Variants in SLCO1B1 observed in about 807,000 individuals in gnomAD.
The protein encoded by SLCO1B1 is solute carrier organic anion transporter family member 1B1.
Under a neutral mutation model 70.1 loss-of-function variants are expected in SLCO1B1, and 81 were observed. The observed-to-expected ratio is 1.16, with a 90% CI of 0.97 to 1.39. The LOEUF (loss-of-function observed/expected upper bound fraction) is 1.39. Ranked by LOEUF, SLCO1B1 falls within the 40% of genes most tolerant of loss-of-function variation. SLCO1B1 has a pLI of 0.00. For missense variants in SLCO1B1, 895 were observed against 799.6 expected, an observed-to-expected ratio of 1.12 and a Z score of -1.44; for synonymous variants, 283 against 271.5, an observed-to-expected ratio of 1.04 and a Z score of -0.42.
At chr12:21,232,741 A>AAGACAG (rs144681986) in intron 14 of SLCO1B1, among the ~76,000 whole-genome samples, 20,132 of 107,868 alleles carry the variant, frequency 0.19, 1,587 homozygotes, top group East Asian at 0.5. Context: ...GAGACAGAGA[A>AAGACAG]AGACAGAGAC....
chr12:21,162,881 T>G (rs1337763702), intron 2 of SLCO1B1, among the ~76,000 whole-genome samples: 2 of 152,200 alleles, frequency 1.3e-5, no homozygotes, highest in Non-Finnish European at 2.9e-5. Context: ...GATTTATGCT[T>G]GTGCTCTTTC....
Position 21,202,477 on chromosome 12 carries a change from T to TC in SLCO1B1, c.1136-13dup. The TC allele has an allele frequency of 7.1e-6, 11 of 1,548,206 alleles. No homozygotes were observed. Among genetic ancestry groups the TC allele is most frequent in the Non-Finnish European group, 9.7e-6 (11 of 1,133,642 alleles). On this transcript the variant is annotated splice_polypyrimidine_tract_variant and intron_variant, in intron 9 of 14. Transcript: ENST00000256958. The stretch of plus-strand genomic sequence containing the variant: ...ACTCATATATGATTACAACTTTTTT[T>TC]CTTTTTTTTCTAGGAGTCATAACCA...
chr12:21,143,541 T>A (rs2417955), intron 2 of SLCO1B1, among the ~76,000 whole-genome samples: 73,213 of 151,788 alleles, frequency 0.48, 21,066 homozygotes, highest in South Asian at 0.76. Context: ...ATTTTTTCCT[T>A]ACCATAATTC....
intron 1 of SLCO1B1, among the ~76,000 whole-genome samples, chr12:21,140,681 T>G (rs1364514136): frequency 2.0e-5 from 3 of 151,962 alleles, no homozygotes; most frequent in Non-Finnish European, 4.4e-5. Flanking sequence ...TGAGAAAGAC[T>G]TATTAAGATT....
At chr12:21,131,915 C>G (rs1273625494) in intron 1 of SLCO1B1, among the ~76,000 whole-genome samples, 1 of 151,994 alleles carries the variant, frequency 6.6e-6, no homozygotes, top group Non-Finnish European at 1.5e-5. Context: ...TATACATGTG[C>G]CATGTTGGTG....
intron 2 of SLCO1B1, among the ~76,000 whole-genome samples, chr12:21,162,369 T>C (rs2121080063): frequency 6.6e-6 from 1 of 152,302 alleles, no homozygotes; most frequent in African/African-American, 2.4e-5. Context: ...TACAAAGATA[T>C]TCATTGATAA....
intron 10 of SLCO1B1, among the ~76,000 whole-genome samples, chr12:21,204,752 T>A (rs1941194740): frequency 6.6e-6 from 1 of 151,920 alleles, no homozygotes; most frequent in South Asian, 2.1e-4. Context: ...ACCAAGGTGA[T>A]GGCACTTTTG....
chr12:21,152,843 G>C (rs1234012633), intron 2 of SLCO1B1, among the ~76,000 whole-genome samples: 1 of 152,094 alleles, frequency 6.6e-6, no homozygotes, highest in Non-Finnish European at 1.5e-5. Flanking sequence ...TCATGCTACT[G>C]AAAGAACAAG....
At chr12:21,209,830 T>C (rs974646637) in intron 11 of SLCO1B1, among the ~76,000 whole-genome samples, 8 of 152,092 alleles carry the variant, frequency 5.3e-5, no homozygotes, top group Non-Finnish European at 8.8e-5. Context: ...CATTTTTTCA[T>C]GTGTTTTTTG....
Position 21,197,026 on chromosome 12 carries a change from A to T in SLCO1B1, c.808A>T (p.Ile270Phe). 1 of 1,613,736 alleles carries T rather than the reference A, an allele frequency of 6.2e-7. No homozygotes were observed. The change falls in exon 8 of 15, where the codon ATT becomes TTT. Residue 270 changes from isoleucine to phenylalanine, a missense_variant. Physicochemically the swap from Ile to Phe is conservative, Grantham distance 21 (BLOSUM62 0). Transcript: ENST00000256958. ...TTTCCTTGTGTCTGGACTATTCTCC[A>T]TTATTTCTTCCATACCATTCTTTTT... The part of the protein sequence containing the change: ...LNFLVSGLFS[I>F]ISSIPFFFLP...
intron 6 of SLCO1B1, 87 bp downstream of exon 6, chr12:21,178,809 C>A: frequency 7.2e-7 from 1 of 1,384,968 alleles, no homozygotes; most frequent in Non-Finnish European, 1.0e-6. Flanking sequence ...ATTATTTTAC[C>A]TATTAGAACA....
At chr12:21,236,857 A>G (rs1941600662) in intron 14 of SLCO1B1, among the ~76,000 whole-genome samples, 1 of 152,062 alleles carries the variant, frequency 6.6e-6, no homozygotes, top group South Asian at 2.1e-4. Context: ...AACTTGACTT[A>G]TTTTTTTATC....
chr12:21,216,090 G>T lies in SLCO1B1; in HGVS notation c.1498-1029G>T, dbSNP rs376599610. 2.6e-5 allele frequency among the ~76,000 whole-genome samples: 4 copies of T among 152,064 alleles called. No homozygotes were observed. In the East Asian group the frequency reaches 7.7e-4, roughly 29 times the overall value. Reference sequence around the variant, plus strand: ...ACAAGACATAATCTTCATTATACTGGCAATGACTATGCCATTTGGGGACTA... The same window carrying T: ...ACAAGACATAATCTTCATTATACTGTCAATGACTATGCCATTTGGGGACTA... On this transcript the variant is annotated intron_variant, in intron 11 of 14. Transcript: ENST00000256958.
intron 7 of SLCO1B1, among the ~76,000 whole-genome samples, chr12:21,189,861 A>G (rs1400095178): frequency 6.6e-6 from 1 of 152,216 alleles, no homozygotes; most frequent in Non-Finnish European, 1.5e-5. Flanking sequence ...TTACTTTTGT[A>G]GTGGAAACAC....
Position 21,239,647 on chromosome 12 carries a change from T to G in SLCO1B1, c.*458T>G, listed in dbSNP as rs1242388626. Among the ~76,000 whole-genome samples the G allele has an allele frequency of 6.6e-6, 1 of 152,196 alleles. No homozygotes were observed. The highest frequency in any genetic ancestry group is 1.5e-5 in the Non-Finnish European group (1 of 68,024). On this transcript the variant is annotated 3_prime_UTR_variant, in exon 15 of 15. Transcript: ENST00000256958. ...TAATACTAAGGCCTGAAGTCTAGCT[T>G]GGATATATGCTACAATAATATCTGT...
At chr12:21,173,743 G>T (rs1940784177) in intron 3 of SLCO1B1, among the ~76,000 whole-genome samples, 1 of 149,410 alleles carries the variant, frequency 6.7e-6, no homozygotes. Flanking sequence ...TATGCCTGAG[G>T]CTCCAGATGG....
intron 4 of SLCO1B1, among the ~76,000 whole-genome samples, chr12:21,175,451 AT>A (rs76907011): frequency 0.091 from 13,861 of 152,176 alleles, 973 homozygotes; most frequent in East Asian, 0.25. Context: ...AAAAATAGAC[AT>A]TATTCCAAGT....
chr12:21,197,369 T>C (rs1159202388), intron 8 of SLCO1B1, among the ~76,000 whole-genome samples, 181 bp downstream of exon 8: 2 of 152,078 alleles, frequency 1.3e-5, no homozygotes, highest in Non-Finnish European at 2.9e-5. Context: ...CTTGAGCACA[T>C]AACAAGTGGA....
chr12:21,202,588 A>G lies in SLCO1B1; in HGVS notation c.1233A>G (p.Ser411=). 1 of 1,612,488 alleles carries G rather than the reference A, an allele frequency of 6.2e-7. No homozygotes were observed. The highest frequency in any genetic ancestry group is 8.5e-7 in the Non-Finnish European group (1 of 1,179,074). Residue 411 remains serine, a synonymous_variant, in exon 10 of 15, where the codon TCA becomes TCG. Coordinates refer to ENST00000256958, the MANE Select transcript of SLCO1B1 (RefSeq NM_006446.5). The part of the protein sequence containing the change: ...KLNTVGIAKF[S]CFTAVMSLSF... ...ACACCGTTGGAATTGCCAAATTCTCATGTTTTACTGCTGTGATGTCATTGT... is the reference window on the plus strand; with the variant it reads ...ACACCGTTGGAATTGCCAAATTCTCGTGTTTTACTGCTGTGATGTCATTGT...
Sources: gnomAD v4.1 joint callset for allele counts (sites outside exome capture counted in the v4.1 genomes callset) on GRCh38, gnomAD v4.1.1 for gene constraint, MANE v1.5 for transcripts, NCBI Gene and HGNC (gene_info 2026-07-23, HGNC 2026-07-21) for gene names.